The following TLL2 variants were observed in gnomAD, a reference collection of about 807,000 sequenced individuals.
The protein encoded by TLL2 is tolloid like 2.
A neutral mutation model predicts 123.0 loss-of-function variants in TLL2; 106 were observed. The observed-to-expected ratio is 0.86, with a 90% CI of 0.74 to 1.01. The LOEUF is 1.01. Among genes scored for constraint, TLL2 ranks in the 50% least tolerant of loss-of-function variants. The pLI is 0.00. For synonymous variants in TLL2, 494 were observed against 516.8 expected, an observed-to-expected ratio of 0.96 and a Z score of 0.60; for missense variants, 1,332 against 1,336.7, an observed-to-expected ratio of 1.00 and a Z score of 0.06.
intron 5 of TLL2, among the ~76,000 whole-genome samples, 157 bp from the exon 6 acceptor site, chr10:96,422,884 T>C (rs983691062): frequency 2.6e-5 from 4 of 152,068 alleles, no homozygotes; most frequent in African/African-American, 9.7e-5. Context: ...TCCCAGAACT[T>C]TGGGAGGCCG....
rs1398925557 is a variant in TLL2, at chr10:96,386,084, A to G, written c.1984T>C (p.Phe662Leu). ...APAQYRISLQ[F>L]EVFELEGNDV... Reference sequence around the variant, plus strand: ...TTGCCTTCCAGTTCAAACACTTCAAACTGAAGGGAGATCCGGTACTGAGCG... The same window carrying G: ...TTGCCTTCCAGTTCAAACACTTCAAGCTGAAGGGAGATCCGGTACTGAGCG... Residue 662 changes from phenylalanine (F) to leucine (L), a missense_variant, in exon 15 of 21, where the codon TTT becomes CTT. By Grantham distance (22) the Phe-to-Leu change is conservative (BLOSUM62 0). Coordinates refer to ENST00000357947, the MANE Select transcript of TLL2 (RefSeq NM_012465.4). 6.2e-7 allele frequency: 1 copy of G among 1,608,116 alleles called. No individual in the cohort carries two copies. Among genetic ancestry groups the G allele is most frequent in the Non-Finnish European group, 8.5e-7 (1 of 1,177,392 alleles).
chr10:96,449,225 G>C (rs576704039), intron 2 of TLL2, among the ~76,000 whole-genome samples: 13 of 152,346 alleles, frequency 8.5e-5, no homozygotes, highest in African/African-American at 3.1e-4. Flanking sequence ...GAAGCAGAGA[G>C]AGTTAGTAAA....
At chr10:96,385,993 G>C in intron 15 of TLL2, 62 bp downstream of exon 15, 2 of 1,440,416 alleles carry the variant, frequency 1.4e-6, no homozygotes, top group Non-Finnish European at 1.8e-6. Context: ...GCCCCTCACT[G>C]GTTTCCAGCT....
chr10:96,477,121 A>G (rs1276370891), intron 2 of TLL2, among the ~76,000 whole-genome samples: 1 of 151,056 alleles, frequency 6.6e-6, no homozygotes, highest in Non-Finnish European at 1.5e-5. Flanking sequence ...CGATAAAATA[A>G]CTATTCATAC....
chr10:96,369,939 G>A (rs528817616), intron 20 of TLL2, 126 bp downstream of exon 20: 450 of 1,329,082 alleles, frequency 3.4e-4, no homozygotes, highest in South Asian at 7.8e-4. Context: ...TCTGCAGAAC[G>A]TGCCTCCTCG....
chr10:96,414,877 T>C (rs912671080), intron 7 of TLL2, among the ~76,000 whole-genome samples: 4 of 152,114 alleles, frequency 2.6e-5, no homozygotes, highest in African/African-American at 9.7e-5. Context: ...TCTACCTTTT[T>C]TGCACCCCTT....
intron 5 of TLL2, among the ~76,000 whole-genome samples, chr10:96,425,259 T>TTCTCTCTATC (rs1846668140): frequency 6.9e-6 from 1 of 144,258 alleles, no homozygotes; most frequent in African/African-American, 2.6e-5. Context: ...CATTACTGTT[T>TTCTCTCTATC]TCTCTCTCTC....
At chr10:96,505,252 A>G (rs1847568551) in intron 1 of TLL2, among the ~76,000 whole-genome samples, 1 of 152,084 alleles carries the variant, frequency 6.6e-6, no homozygotes, top group South Asian at 2.1e-4. Context: ...TCTTGTGAGA[A>G]CTCGCTCACC....
At position 96,408,038 on chromosome 10, in the gene TLL2, G is replaced by C. The variant is rs143445203; in HGVS notation, c.1164+2321C>G. ...CCATTAAATCAGATTCCCTGGGAGT[G>C]GGGGGAGGGGGACCCAAAATAAACA... On this transcript the variant is annotated intron_variant, in intron 9 of 20. Transcript: ENST00000357947. Among the ~76,000 whole-genome samples the C allele has an allele frequency of 4.6e-5, 7 of 152,306 alleles. No homozygotes were observed. In the South Asian group the frequency reaches 8.3e-4, roughly 18 times the overall value.
intron 3 of TLL2, among the ~76,000 whole-genome samples, chr10:96,435,996 C>A (rs1017312248): frequency 2.0e-5 from 3 of 152,072 alleles, no homozygotes; most frequent in Non-Finnish European, 4.4e-5. Flanking sequence ...AATTTCTAAA[C>A]ATTTGTTTCT....
chr10:96,454,301 A>T (rs368000684), intron 2 of TLL2, among the ~76,000 whole-genome samples: 1 of 152,230 alleles, frequency 6.6e-6, no homozygotes, highest in African/African-American at 2.4e-5. Flanking sequence ...TCTAGTCAAG[A>T]TCACTGGCTC....
chr10:96,416,600 C>G (rs143423269), intron 7 of TLL2, among the ~76,000 whole-genome samples: 1 of 152,204 alleles, frequency 6.6e-6, no homozygotes, highest in Non-Finnish European at 1.5e-5. Flanking sequence ...GCCCAAGGAA[C>G]AGTAGGCCTT....
chr10:96,473,565 T>C (rs1246759456), intron 2 of TLL2, among the ~76,000 whole-genome samples: 7 of 152,212 alleles, frequency 4.6e-5, no homozygotes, highest in Non-Finnish European at 2.9e-5. Flanking sequence ...GTTGGGGTTA[T>C]GCAGACATCC....
chr10:96,398,956 C>T (rs148287346), intron 10 of TLL2, among the ~76,000 whole-genome samples: 1,959 of 150,014 alleles, frequency 0.013, 34 homozygotes, highest in South Asian at 0.045. Context: ...ACTGCAGCCT[C>T]TGCCTCCCAG....
Position 96,384,579 on chromosome 10 carries a change from C to G in TLL2, c.2194+8G>C, listed in dbSNP as rs763905893. On this transcript the variant is annotated splice_region_variant and intron_variant, in intron 16 of 20. Transcript: ENST00000357947. The stretch of plus-strand genomic sequence containing the variant: ...CGCTGCATCAGCCTCACCTCTGAAC[C>G]CGCATACCTGAGAAGAAGTGGGCCC... 6.3e-6 allele frequency: 10 copies of G among 1,574,910 alleles called. No individual in the cohort carries two copies. The highest frequency in any genetic ancestry group is 6.1e-6 in the Non-Finnish European group (7 of 1,154,918).
chr10:96,387,821 TC>T (rs35140436), intron 13 of TLL2, among the ~76,000 whole-genome samples: 1 of 151,178 alleles, frequency 6.6e-6, no homozygotes, highest in South Asian at 2.1e-4. Context: ...TTAGAGACAC[TC>T]CCCAGACACA....
In TLL2 at chr10:96,422,606, G is replaced by A. The variant is rs752819495; in HGVS notation, c.760C>T (p.His254Tyr). The change falls in exon 6 of 21, where the codon CAC becomes TAC. Residue 254 changes from histidine (H) to tyrosine (Y), a missense_variant. Coordinates refer to ENST00000357947, the MANE Select transcript of TLL2 (RefSeq NM_012465.4). ...TGTTGGTCTCTGTCTGGCCGGGTGT[G>A]TTCATGCCAAAACCCAACCACATGG... Reference protein sequence around the residue: ...LGHVVGFWHEHTRPDRDQHVT... With the variant: ...LGHVVGFWHEYTRPDRDQHVT... The A allele has an allele frequency of 2.5e-6, 4 of 1,614,174 alleles. No individual in the cohort carries two copies. The highest frequency in any genetic ancestry group is 3.4e-6 in the Non-Finnish European group (4 of 1,180,030).
intron 8 of TLL2, among the ~76,000 whole-genome samples, chr10:96,412,513 A>G (rs1205788398): frequency 6.6e-6 from 1 of 152,214 alleles, no homozygotes; most frequent in Non-Finnish European, 1.5e-5. Flanking sequence ...TATGATGATG[A>G]TGCTGAAGCC....
chr10:96,407,127 C>G (rs1488494793), intron 9 of TLL2, among the ~76,000 whole-genome samples: 1 of 152,018 alleles, frequency 6.6e-6, no homozygotes, highest in East Asian at 1.9e-4. Context: ...CCTCAGGAAA[C>G]CTCAGTGGCT....
Sources: allele counts gnomAD v4.1 joint callset (sites outside exome capture counted in the v4.1 genomes callset), GRCh38; gene constraint gnomAD v4.1.1; transcripts MANE v1.5; gene names NCBI Gene and HGNC (gene_info 2026-07-23, HGNC 2026-07-21).